Variants in WARS2 observed in about 807,000 individuals in gnomAD.
WARS2 encodes tryptophan--tRNA ligase, mitochondrial.
A neutral mutation model predicts 36.5 loss-of-function variants in WARS2; 28 were observed. That is an observed-to-expected ratio of 0.77 (90% CI 0.57 to 1.05). The LOEUF (loss-of-function observed/expected upper bound fraction) is 1.05, where lower values mean the gene tolerates loss of function less well. Among genes scored for constraint, WARS2 ranks in the 50% least tolerant of loss-of-function variants. The pLI is 0.00. For synonymous variants in WARS2, 174 were observed against 178.4 expected (o/e 0.98, Z 0.20); for missense variants, 435 against 456.8 (o/e 0.95, Z 0.44).
chr1:119,104,838 G>C (rs1021558046), intron 1 of WARS2, among the ~76,000 whole-genome samples: 4 of 151,760 alleles, frequency 2.6e-5, no homozygotes, highest in African/African-American at 9.7e-5. Flanking sequence ...AGTGATCACA[G>C]GACGAAGAGC....
chr1:119,034,057 A>C (rs776328690), intron 5 of WARS2, 38 bp downstream of exon 5: 148 of 1,565,150 alleles, frequency 9.5e-5, no homozygotes, highest in Non-Finnish European at 1.2e-4. Context: ...TCTCTTTAGA[A>C]TATACCCTGA....
intron 1 of WARS2, among the ~76,000 whole-genome samples, chr1:119,077,448 G>A (rs1651832906): frequency 6.6e-6 from 1 of 152,082 alleles, no homozygotes; most frequent in South Asian, 2.1e-4. Context: ...AGTGCTAAAG[G>A]CTACTACTAT....
At chr1:119,055,532 C>T (rs1649706560) in intron 2 of WARS2, among the ~76,000 whole-genome samples, 1 of 152,118 alleles carries the variant, frequency 6.6e-6, no homozygotes. Flanking sequence ...GTCCCAGCTA[C>T]TTGGGAGGCT....
chr1:119,134,385 G>A (rs1343159451), intron 1 of WARS2, among the ~76,000 whole-genome samples: 3 of 148,120 alleles, frequency 2.0e-5, no homozygotes, highest in African/African-American at 5.0e-5. Flanking sequence ...ACCAGAAGTC[G>A]GTTCAATTAG....
At chr1:119,066,349 GC>G (rs777763158) in intron 2 of WARS2, among the ~76,000 whole-genome samples, 8 of 151,616 alleles carry the variant, frequency 5.3e-5, no homozygotes, top group Non-Finnish European at 1.2e-4. Context: ...GTGGTGGTGG[GC>G]GCCTGTAGTC....
chr1:119,087,975 C>T (rs769506356), intron 1 of WARS2, among the ~76,000 whole-genome samples: 8 of 152,080 alleles, frequency 5.3e-5, no homozygotes, highest in Non-Finnish European at 7.4e-5. Flanking sequence ...CAACCCAGAC[C>T]TACTAAATCA....
intron 1 of WARS2, among the ~76,000 whole-genome samples, chr1:119,093,041 G>C (rs587762163): frequency 1.3e-5 from 2 of 152,102 alleles, no homozygotes; most frequent in South Asian, 2.1e-4. Flanking sequence ...CTTTTTCACA[G>C]AGTCAAATCC....
At chr1:119,055,581 A>G (rs1035411830) in intron 2 of WARS2, among the ~76,000 whole-genome samples, 5 of 152,210 alleles carry the variant, frequency 3.3e-5, no homozygotes, top group Middle Eastern at 3.4e-3. Flanking sequence ...GGCAGAGGTT[A>G]TAGTGAGTCG....
intron 1 of WARS2, among the ~76,000 whole-genome samples, chr1:119,108,489 C>T (rs1310819685): frequency 6.6e-6 from 1 of 151,908 alleles, no homozygotes; most frequent in Admixed American, 6.6e-5. Flanking sequence ...TTCATAACAT[C>T]CCCTTATTAT....
chr1:119,084,329 G>A (rs587637206), intron 1 of WARS2, among the ~76,000 whole-genome samples: 55 of 152,172 alleles, frequency 3.6e-4, no homozygotes, highest in African/African-American at 9.9e-4. Context: ...ATTTTGGGAT[G>A]ATAAAAAATG....
chr1:119,140,570 A>T lies in WARS2; in HGVS notation c.75T>A (p.Ala25=), dbSNP rs1571422342. ...CTTTGGTTACCTGGAGAGCGGGAGC[A>T]GCTGCGGATCCCTTATGAAGTGCCC... is the stretch of plus-strand genomic sequence containing the variant. ...FIRALHKGSA[A]APALQKDSKK... The change falls in exon 1 of 6, where the codon GCT becomes GCA. Residue 25 remains alanine, a synonymous_variant. Transcript: ENST00000235521. 3 of 1,613,542 alleles carry T rather than the reference A, an allele frequency of 1.9e-6. No homozygotes were observed. The highest frequency in any genetic ancestry group is 4.5e-5 in the East Asian group (2 of 44,858).
At chr1:119,105,502 C>T (rs587723818) in intron 1 of WARS2, among the ~76,000 whole-genome samples, 13 of 152,106 alleles carry the variant, frequency 8.5e-5, no homozygotes, top group South Asian at 6.2e-4. Flanking sequence ...GCTTAGGAGC[C>T]GCCAACTCAT....
intron 1 of WARS2, chr1:119,127,252 T>G (rs587603320): frequency 1.3e-6 from 1 of 768,894 alleles, no homozygotes; most frequent in East Asian, 2.8e-5. Context: ...GCTCCCTTTT[T>G]GCCGCCTTTC....
chr1:119,037,896 T>C (rs1648015060), intron 4 of WARS2, among the ~76,000 whole-genome samples: 1 of 152,248 alleles, frequency 6.6e-6, no homozygotes, highest in African/African-American at 2.4e-5. Flanking sequence ...TGGCCCATAT[T>C]AGACTAGTGA....
At chr1:119,101,073 A>T (rs587594918) in intron 1 of WARS2, among the ~76,000 whole-genome samples, 1 of 152,262 alleles carries the variant, frequency 6.6e-6, no homozygotes, top group African/African-American at 2.4e-5. Flanking sequence ...TGTGGGTGAG[A>T]GGGGAGGATG....
At chr1:119,107,740 C>T (rs1326822413) in intron 1 of WARS2, among the ~76,000 whole-genome samples, 1 of 151,878 alleles carries the variant, frequency 6.6e-6, no homozygotes, top group Non-Finnish European at 1.5e-5. Flanking sequence ...GGGGTGGTGA[C>T]ATCCTTGTCT....
At chr1:119,108,801 A>G (rs1381613992) in intron 1 of WARS2, among the ~76,000 whole-genome samples, 1 of 151,924 alleles carries the variant, frequency 6.6e-6, no homozygotes, top group East Asian at 1.9e-4. Context: ...TCTAAGGTGA[A>G]AGTTCTGATA....
At chr1:119,064,595 C>T (rs780150824) in intron 2 of WARS2, 2 of 152,078 alleles carry the variant, frequency 1.3e-5, no homozygotes, top group African/African-American at 2.4e-5. Context: ...TCATGGGGGC[C>T]GGTCTTTCCC....
intron 1 of WARS2, among the ~76,000 whole-genome samples, chr1:119,131,470 T>TG (rs1656099630): frequency 2.7e-5 from 4 of 150,212 alleles, no homozygotes; most frequent in Admixed American, 6.6e-5. Flanking sequence ...TTTTTGTTTT[T>TG]TTTTTTTTTG....
Sources: allele counts gnomAD v4.1 joint callset (sites outside exome capture counted in the v4.1 genomes callset), GRCh38; gene constraint gnomAD v4.1.1; transcripts MANE v1.5; gene names NCBI Gene and HGNC (gene_info 2026-07-23, HGNC 2026-07-21).